The following NPFFR2 variants were observed in gnomAD, a reference collection of about 807,000 sequenced individuals.
NPFFR2 encodes G-protein coupled receptor 74.
In NPFFR2, 15 loss-of-function variants were observed where a neutral mutation model predicts 13.1. The ratio of observed to expected loss-of-function variants is 1.15; its 90% CI spans 0.77 to 1.76. The LOEUF is 1.76. Among genes scored for constraint, NPFFR2 ranks in the 40% most tolerant of loss-of-function variants. The pLI is 0.00. For missense variants in NPFFR2, 572 were observed against 503.5 expected (o/e 1.14, Z -1.30); for synonymous variants, 190 against 175.7 (o/e 1.08, Z -0.65).
chr4:72,056,054 A>G (rs900672060), intron 1 of NPFFR2, among the ~76,000 whole-genome samples: 4 of 152,142 alleles, frequency 2.6e-5, no homozygotes, highest in Admixed American at 2.0e-4. Context: ...AGAAGTTCTC[A>G]CTAAGATGAT....
intron 1 of NPFFR2, among the ~76,000 whole-genome samples, chr4:72,055,233 C>T (rs1240978555): frequency 6.6e-6 from 1 of 151,944 alleles, no homozygotes; most frequent in Middle Eastern, 3.2e-3. Flanking sequence ...CTATCAGTGC[C>T]ATGTTCCCAT....
chr4:72,068,853 T>A (rs61206788), intron 1 of NPFFR2: 5,626 of 294,392 alleles, frequency 0.019, 255 homozygotes, highest in African/African-American at 0.17. Flanking sequence ...TTTTTTTTTT[T>A]ATCTTATCTT....
chr4:72,074,152 G>C (rs6835178), intron 1 of NPFFR2, among the ~76,000 whole-genome samples: 1 of 151,832 alleles, frequency 6.6e-6, no homozygotes, highest in East Asian at 1.9e-4. Flanking sequence ...CTGCAATACT[G>C]TGACAAATAA....
intron 1 of NPFFR2, among the ~76,000 whole-genome samples, chr4:72,071,994 G>T (rs868213811): frequency 5.9e-5 from 9 of 152,092 alleles, no homozygotes; most frequent in Non-Finnish European, 8.8e-5. Flanking sequence ...CTCAGAAAAG[G>T]CCAGAGAATA....
Position 72,079,157 on chromosome 4 carries a change from T to C in NPFFR2, c.-8+46957T>C, listed in dbSNP as rs370638836. 2.0e-5 allele frequency among the ~76,000 whole-genome samples: 3 copies of C among 152,080 alleles called. 1 individual carries two copies. The South Asian group carries it at 6.2e-4, about 32-fold the overall frequency. ...AACTCCTGCTTGTGGTATTGTACTG[T>C]AGTTACGCAGGATGTTACCTTTGAG... On this transcript the variant is annotated intron_variant, in intron 1 of 3. Transcript: ENST00000308744.
intron 1 of NPFFR2, among the ~76,000 whole-genome samples, chr4:72,101,370 G>A (rs1262010478): frequency 6.6e-6 from 1 of 151,826 alleles, no homozygotes; most frequent in African/African-American, 2.4e-5. Flanking sequence ...GACTAGAATA[G>A]GTGCTGGGGT....
chr4:72,049,805 G>A (rs1719489517), intron 1 of NPFFR2, among the ~76,000 whole-genome samples: 1 of 151,468 alleles, frequency 6.6e-6, no homozygotes, highest in Non-Finnish European at 1.5e-5. Flanking sequence ...AGTGATAAGA[G>A]CTATAGGAGC....
chr4:72,086,729 A>G (rs1720782728), intron 1 of NPFFR2, among the ~76,000 whole-genome samples: 1 of 152,102 alleles, frequency 6.6e-6, no homozygotes, highest in Non-Finnish European at 1.5e-5. Context: ...GCTATCCTTC[A>G]ATAATGGATC....
At chr4:72,119,167 A>T (rs1235937379) in intron 1 of NPFFR2, among the ~76,000 whole-genome samples, 1 of 152,168 alleles carries the variant, frequency 6.6e-6, no homozygotes, top group Non-Finnish European at 1.5e-5. Context: ...AAACAAATAT[A>T]TTGGGTTGGA....
At chr4:72,090,036 C>T (rs1720873735) in intron 1 of NPFFR2, among the ~76,000 whole-genome samples, 1 of 152,148 alleles carries the variant, frequency 6.6e-6, no homozygotes, top group Non-Finnish European at 1.5e-5. Flanking sequence ...CATTCTTCTA[C>T]ATGTGGCTTG....
At chr4:72,083,318 A>T (rs1398608017) in intron 1 of NPFFR2, among the ~76,000 whole-genome samples, 1 of 152,168 alleles carries the variant, frequency 6.6e-6, no homozygotes, top group Non-Finnish European at 1.5e-5. Flanking sequence ...ACAGCATACA[A>T]GGGTTCTCTT....
chr4:72,114,948 C>T (rs28692669), intron 1 of NPFFR2, among the ~76,000 whole-genome samples: 40,135 of 152,028 alleles, frequency 0.26, 6,473 homozygotes, highest in Admixed American at 0.35. Context: ...AAAATGGGAA[C>T]AGTGATAATC....
intron 1 of NPFFR2, among the ~76,000 whole-genome samples, chr4:72,067,273 C>T (rs1022351404): frequency 6.6e-5 from 10 of 151,832 alleles, no homozygotes; most frequent in Admixed American, 2.0e-4. Context: ...GGCCAGTGAG[C>T]ACTGTACCAG....
At chr4:72,092,029 T>A (rs1323743566) in intron 1 of NPFFR2, among the ~76,000 whole-genome samples, 3 of 151,962 alleles carry the variant, frequency 2.0e-5, no homozygotes, top group Non-Finnish European at 4.4e-5. Context: ...ATTCTGATAG[T>A]TTATATCACT....
At chr4:72,104,758 T>C (rs1721371159) in intron 1 of NPFFR2, among the ~76,000 whole-genome samples, 1 of 152,042 alleles carries the variant, frequency 6.6e-6, no homozygotes, top group African/African-American at 2.4e-5. Context: ...GTTGCAGGCA[T>C]TAAACCAGAA....
chr4:72,105,442 A>G (rs1721391223), intron 1 of NPFFR2, among the ~76,000 whole-genome samples: 2 of 152,044 alleles, frequency 1.3e-5, no homozygotes, highest in African/African-American at 4.8e-5. Flanking sequence ...ACATTCTAGG[A>G]GAAAATTATC....
At chr4:72,132,416 G>A (rs1429655948) in intron 2 of NPFFR2, among the ~76,000 whole-genome samples, 1 of 152,122 alleles carries the variant, frequency 6.6e-6, no homozygotes, top group Non-Finnish European at 1.5e-5. Context: ...TATTTAGATT[G>A]ATTCCATGTC....
intron 1 of NPFFR2, among the ~76,000 whole-genome samples, chr4:72,095,746 C>A (rs1259452160): frequency 2.0e-5 from 3 of 152,122 alleles, no homozygotes; most frequent in Non-Finnish European, 2.9e-5. Flanking sequence ...CAGCTCTCAC[C>A]TTTCCAGGAG....
intron 3 of NPFFR2, 40 bp downstream of exon 3, chr4:72,138,179 T>C: frequency 7.4e-7 from 1 of 1,347,260 alleles, no homozygotes; most frequent in Non-Finnish European, 1.1e-6. Context: ...AAAATTGGCA[T>C]GTCTGCAACT....
Sources: allele counts gnomAD v4.1 joint callset (sites outside exome capture counted in the v4.1 genomes callset), GRCh38; gene constraint gnomAD v4.1.1; transcripts MANE v1.5; gene names NCBI Gene and HGNC (gene_info 2026-07-23, HGNC 2026-07-21).